TRPM3: variants seen among roughly 807,000 people sequenced by gnomAD.
TRPM3 encodes long transient receptor potential channel 3.
Under a neutral mutation model 181.2 loss-of-function variants are expected in TRPM3, and 77 were observed. The ratio of observed to expected loss-of-function variants is 0.42; its 90% CI spans 0.35 to 0.51. The LOEUF (loss-of-function observed/expected upper bound fraction) is 0.51, where lower values mean the gene tolerates loss of function less well. Among genes scored for constraint, TRPM3 ranks in the 20% least tolerant of loss-of-function variants. The pLI is 0.01. For synonymous variants in TRPM3, 745 were observed against 796.4 expected (o/e 0.94, Z 1.09); for missense variants, 1,759 against 2,196.7 (o/e 0.80, Z 3.98).
At chr9:70,672,173 T>G (rs759281964) in intron 9 of TRPM3, among the ~76,000 whole-genome samples, 1 of 152,192 alleles carries the variant, frequency 6.6e-6, no homozygotes, top group Non-Finnish European at 1.5e-5. Flanking sequence ...TGAATACAGC[T>G]AACCCCATCT....
intron 6 of TRPM3, among the ~76,000 whole-genome samples, chr9:70,794,043 G>A (rs191723343): frequency 3.9e-5 from 6 of 152,184 alleles, no homozygotes; most frequent in East Asian, 1.9e-4. Flanking sequence ...TTGGAGCAGC[G>A]TCTGTACTTG....
chr9:71,071,120 G>T (rs1377522100), intron 1 of TRPM3, among the ~76,000 whole-genome samples: 1 of 152,156 alleles, frequency 6.6e-6, no homozygotes, highest in Admixed American at 6.5e-5. Context: ...TTGTCCCCCA[G>T]TATGTAGGTA....
intron 1 of TRPM3, among the ~76,000 whole-genome samples, chr9:71,045,270 C>A (rs1342098698): frequency 1.3e-5 from 2 of 152,002 alleles, no homozygotes; most frequent in African/African-American, 4.8e-5. Context: ...TTCACCCAAT[C>A]TGGAATACCA....
chr9:70,593,887 CATATAT>C (rs913702757), intron 21 of TRPM3, among the ~76,000 whole-genome samples: 1 of 146,108 alleles, frequency 6.8e-6, no homozygotes, highest in Non-Finnish European at 1.5e-5. Flanking sequence ...ATATAATACA[CATATAT>C]ATAATATGCA....
intron 1 of TRPM3, among the ~76,000 whole-genome samples, chr9:70,980,286 G>A (rs1409971190): frequency 2.0e-5 from 3 of 151,958 alleles, no homozygotes; most frequent in Admixed American, 2.0e-4. Context: ...GATCTTTGCA[G>A]GGCAAAAAAG....
chr9:71,446,613 A>T, intron 1 of TRPM3: 1 of 1,539,264 alleles, frequency 6.5e-7, no homozygotes, highest in East Asian at 2.5e-5. Context: ...GCGAAGGGAG[A>T]AAAGAAAGCA....
rs1264987629 is a variant in TRPM3, at chr9:70,838,677, TA to T, written c.801+4325del. Among the ~76,000 whole-genome samples the T allele has an allele frequency of 5.9e-5, 9 of 152,004 alleles. No homozygotes were observed. In the East Asian group the frequency reaches 1.7e-3, roughly 29 times the overall value. ...TGAAGTGTAGGATTATGGATAGTAA[TA>T]GAGGAGAGGGATGGTGGAAATAATA... is the stretch of plus-strand genomic sequence containing the variant. On this transcript the variant is annotated intron_variant, in intron 5 of 25. Transcript: ENST00000677713.
intron 1 of TRPM3, among the ~76,000 whole-genome samples, chr9:71,257,508 G>C (rs778231774): frequency 3.9e-5 from 6 of 152,152 alleles, no homozygotes; most frequent in Non-Finnish European, 5.9e-5. Flanking sequence ...AGTAAAAACT[G>C]TGTGATAGTA....
chr9:71,024,352 T>A (rs1012164946), intron 1 of TRPM3, among the ~76,000 whole-genome samples: 2 of 151,962 alleles, frequency 1.3e-5, no homozygotes, highest in Non-Finnish European at 2.9e-5. Flanking sequence ...ATAAAGTAGA[T>A]GCAAAGAATA....
intron 25 of TRPM3, among the ~76,000 whole-genome samples, chr9:70,541,764 G>C (rs531040932): frequency 1.3e-5 from 2 of 152,160 alleles, no homozygotes; most frequent in African/African-American, 4.8e-5. Context: ...GCCTGCCTCA[G>C]CCTCCCAAAG....
intron 1 of TRPM3, among the ~76,000 whole-genome samples, chr9:71,106,632 T>C (rs1221440352): frequency 6.6e-6 from 1 of 152,160 alleles, no homozygotes; most frequent in Non-Finnish European, 1.5e-5. Context: ...AGGTATTCCT[T>C]TATAGCAATG....
At chr9:70,800,496 G>A (rs1023294178) in intron 6 of TRPM3, among the ~76,000 whole-genome samples, 6 of 152,124 alleles carry the variant, frequency 3.9e-5, no homozygotes, top group African/African-American at 1.4e-4. Flanking sequence ...GGTTTGAACT[G>A]CATGGGGCCA....
chr9:70,869,138 G>T, intron 1 of TRPM3: 1 of 834,388 alleles, frequency 1.2e-6, no homozygotes, highest in Non-Finnish European at 1.4e-6. Context: ...CTTCCCCCAA[G>T]AGACGTTTCA....
chr9:71,406,211 G>A (rs1739766419), intron 1 of TRPM3, among the ~76,000 whole-genome samples: 1 of 152,156 alleles, frequency 6.6e-6, no homozygotes, highest in South Asian at 2.1e-4. Flanking sequence ...GTTGCACGAT[G>A]CCTATGCTAA....
At chr9:70,761,187 T>A in intron 8 of TRPM3, 1 of 526,932 alleles carries the variant, frequency 1.9e-6, no homozygotes, top group South Asian at 2.5e-5. Context: ...TACAGATTAG[T>A]GTAACAGCCT....
At position 70,539,473 on chromosome 9, in the gene TRPM3, A is replaced by ATTT. The variant is rs57538597; in HGVS notation, c.3708-2071_3708-2069dup. On this transcript the variant is annotated intron_variant, in intron 25 of 25. Transcript: ENST00000677713. ...CCTGCCCTCAAGAGCCCTGCTTGTA[A>ATTT]TTTTTTTTTTTTTTTTGCTCCCTCC... Among the ~76,000 whole-genome samples, 125 of 137,552 alleles carry ATTT rather than the reference A, an allele frequency of 9.1e-4. 1 individual carries two copies. The South Asian group carries it at 0.014, about 16-fold the overall frequency. The allele number at this position is 137,552 out of a possible 152,430, so 90.2% of individuals were successfully genotyped here. A position where few individuals can be genotyped will look rare whatever the true frequency, so the allele number is the denominator to read the frequency against.
At chr9:71,298,205 T>C (rs1222787580) in intron 1 of TRPM3, among the ~76,000 whole-genome samples, 1 of 152,210 alleles carries the variant, frequency 6.6e-6, no homozygotes, top group Non-Finnish European at 1.5e-5. Flanking sequence ...GAGCAGAATA[T>C]AAGATATATT....
chr9:71,187,484 C>A lies in TRPM3; in HGVS notation c.183+259169G>T, dbSNP rs1203242694. On this transcript the variant is annotated intron_variant, in intron 1 of 24. Transcript: ENST00000357533. ...AAGGATATGCTCTCTTCGTCTCTTA[C>A]CCAGGCAGATACCCTTTTTCCCACT... 3.3e-5 allele frequency among the ~76,000 whole-genome samples: 5 copies of A among 151,910 alleles called. No homozygotes were observed. The South Asian group carries it at 1.0e-3, about 31-fold the overall frequency.
intron 1 of TRPM3, among the ~76,000 whole-genome samples, chr9:71,094,666 A>G (rs1380591051): frequency 6.6e-6 from 1 of 152,086 alleles, no homozygotes. Flanking sequence ...GAAAGAGAGC[A>G]ATCTTATATA....
Sources: gnomAD v4.1 joint callset for allele counts (sites outside exome capture counted in the v4.1 genomes callset) on GRCh38, gnomAD v4.1.1 for gene constraint, MANE v1.5 for transcripts, NCBI Gene and HGNC (gene_info 2026-07-23, HGNC 2026-07-21) for gene names.